The following ERCC6L2 variants were observed in gnomAD, a reference collection of about 807,000 sequenced individuals.
The protein encoded by ERCC6L2 is ERCC excision repair 6 like 2.
ERCC6L2 carries 77 observed loss-of-function variants against 132.0 expected under a neutral mutation model. That is an observed-to-expected ratio of 0.58 (90% confidence interval 0.49 to 0.71). The LOEUF (loss-of-function observed/expected upper bound fraction) is 0.71. Among genes scored for constraint, ERCC6L2 ranks in the 30% least tolerant of loss-of-function variants. The pLI, the probability that ERCC6L2 is intolerant of heterozygous loss-of-function variation, is 0.00. For missense variants in ERCC6L2, 1,542 were observed against 1,837.6 expected (o/e 0.84, Z 2.94); for synonymous variants, 583 against 632.4 (o/e 0.92, Z 1.17).
At chr9:95,918,535 T>C (rs1019865235) in intron 6 of ERCC6L2, 4 of 469,924 alleles carry the variant, frequency 8.5e-6, no homozygotes, top group Non-Finnish European at 1.7e-5. Flanking sequence ...GACAAAATGA[T>C]GAATGGAAGT....
At chr9:95,912,921 G>A (rs1327740749) in intron 4 of ERCC6L2, among the ~76,000 whole-genome samples, 2 of 152,064 alleles carry the variant, frequency 1.3e-5, no homozygotes, top group Non-Finnish European at 2.9e-5. Flanking sequence ...AACATTTTTG[G>A]CAAGAATGCT....
chr9:95,923,271 C>A lies in ERCC6L2; in HGVS notation c.1425C>A (p.Ile475=). The part of the protein sequence containing the change: ...ASTSKQQETL[I]KRICDQVFSR... The stretch of plus-strand genomic sequence containing the variant: ...CTTTTCCCTTCAAGGAAACACTTAT[C>A]AAAAGGATATGTGATCAGGTATTTT... The change falls in exon 9 of 19, where the codon ATC becomes ATA. Residue 475 remains isoleucine (I), a synonymous_variant. Transcript: ENST00000653738. 1 of 1,612,958 alleles carries A rather than the reference C, an allele frequency of 6.2e-7. No homozygotes were observed. The highest frequency in any genetic ancestry group is 8.5e-7 in the Non-Finnish European group (1 of 1,179,464).
chr9:96,030,627 G>A (rs58654424), intron 19 of ERCC6L2, among the ~76,000 whole-genome samples: 4,916 of 151,628 alleles, frequency 0.032, 110 homozygotes, highest in East Asian at 0.15. Context: ...GTGTGAGCCC[G>A]GGAGGCGGAG....
chr9:95,942,745 T>A (rs1258725740), intron 12 of ERCC6L2, among the ~76,000 whole-genome samples: 1 of 152,116 alleles, frequency 6.6e-6, no homozygotes, highest in African/African-American at 2.4e-5. Flanking sequence ...AGATAATTGA[T>A]GACATGATTG....
intron 10 of ERCC6L2, chr9:95,928,375 GTTC>G: frequency 2.3e-6 from 1 of 430,350 alleles, no homozygotes; most frequent in Non-Finnish European, 4.1e-6. Flanking sequence ...TTCTGTTGAT[GTTC>G]TTAATAATTA....
intron 19 of ERCC6L2, among the ~76,000 whole-genome samples, chr9:96,029,318 AAAAAAC>A (rs1160581856): frequency 3.4e-5 from 5 of 148,390 alleles, no homozygotes; most frequent in East Asian, 2.0e-4. Flanking sequence ...AAAAAAAAAA[AAAAAAC>A]AAAAAAAAAA....
chr9:95,975,180 G>A (rs555229176), intron 16 of ERCC6L2, among the ~76,000 whole-genome samples: 1 of 152,072 alleles, frequency 6.6e-6, no homozygotes, highest in East Asian at 1.9e-4. Context: ...TCCCCTCTTA[G>A]ACTTCACTTA....
chr9:96,001,270 A>G (rs534491982), intron 17 of ERCC6L2, among the ~76,000 whole-genome samples: 2 of 152,280 alleles, frequency 1.3e-5, no homozygotes, highest in South Asian at 4.1e-4. Context: ...GCGGGTTGCC[A>G]ATGCTGGCTC....
At chr9:95,899,600 A>ATATATATATGTG (rs746946004) in intron 3 of ERCC6L2, among the ~76,000 whole-genome samples, 16 of 134,894 alleles carry the variant, frequency 1.2e-4, no homozygotes, top group African/African-American at 4.6e-4. Context: ...TTATATATAT[A>ATATATATATGTG]TGTGTGTGTG....
At chr9:95,949,024 T>C (rs935110416) in intron 12 of ERCC6L2, among the ~76,000 whole-genome samples, 6 of 150,634 alleles carry the variant, frequency 4.0e-5, no homozygotes, top group East Asian at 2.0e-4. Flanking sequence ...AACAAAGAGA[T>C]AGAAATTAAA....
intron 11 of ERCC6L2, among the ~76,000 whole-genome samples, chr9:95,935,199 A>G (rs1587934737): frequency 6.6e-6 from 1 of 152,310 alleles, no homozygotes. Flanking sequence ...AAAATCCCAT[A>G]GAAGGATGGT....
At chr9:95,900,698 C>T (rs781245579) in intron 3 of ERCC6L2, among the ~76,000 whole-genome samples, 1 of 151,420 alleles carries the variant, frequency 6.6e-6, no homozygotes, top group Non-Finnish European at 1.5e-5. Flanking sequence ...ATTGTGTAGT[C>T]TCTGTTGTTT....
chr9:95,972,103 T>C lies in ERCC6L2; in HGVS notation c.2352T>C (p.Ser784=). Residue 784 remains serine, a synonymous_variant, in exon 16 of 19, where the codon TCT becomes TCC. Transcript: ENST00000653738. ...CCGATTCAAGTAAAGCTTCCAGCTC[T>C]CCAGGACAGCTTACCTTACTCCAGT... ...KAPDSSKASS[S]PGQLTLLQCG... is the part of the protein sequence containing the mutation. 2.3e-6 allele frequency: 3 copies of C among 1,304,262 alleles called. No individual in the cohort carries two copies. Among genetic ancestry groups the C allele is most frequent in the Non-Finnish European group, 3.0e-6 (3 of 988,946 alleles). 80.8% of individuals were successfully genotyped at this position (1,304,262 alleles called of 1,614,324 possible).
intron 18 of ERCC6L2, among the ~76,000 whole-genome samples, chr9:96,008,933 G>A (rs1393468366): frequency 6.6e-6 from 1 of 152,218 alleles, no homozygotes; most frequent in Middle Eastern, 3.2e-3. Context: ...TTATAGATAA[G>A]CGAGAAAGCA....
chr9:95,917,127 G>A (rs1829637482), intron 6 of ERCC6L2, among the ~76,000 whole-genome samples: 1 of 152,146 alleles, frequency 6.6e-6, no homozygotes, highest in South Asian at 2.1e-4. Flanking sequence ...AATTCTAGCT[G>A]TAGGATCAAA....
chr9:95,876,073 C>T lies in ERCC6L2; in HGVS notation c.35C>T (p.Thr12Ile), dbSNP rs780716399. 3.8e-6 allele frequency: 6 copies of T among 1,581,300 alleles called. No homozygotes were observed. The highest frequency in any genetic ancestry group is 5.2e-6 in the Non-Finnish European group (6 of 1,164,352). The change falls in exon 1 of 19, where the codon ACC becomes ATC. Residue 12 changes from threonine (T) to isoleucine (I), a missense_variant. Around this residue, in one of 4 missense-constraint regions of ERCC6L2, gnomAD observed 153 missense variants for 132.3 expected, o/e 1.16. Coordinates refer to ENST00000653738, the MANE Select transcript of ERCC6L2 (RefSeq NM_020207.7). ...TCGGCGCCACAGCCCCGCGCGGAAA[C>T]CTCAGGCAAAGGTACCAGCTCCGCG... is the stretch of plus-strand genomic sequence containing the variant. ...DPSAPQPRAE[T>I]SGKDIWHPGE... is the part of the protein sequence containing the mutation.
chr9:95,889,739 C>A (rs1253010972), intron 2 of ERCC6L2, among the ~76,000 whole-genome samples: 1 of 151,852 alleles, frequency 6.6e-6, no homozygotes, highest in Non-Finnish European at 1.5e-5. Context: ...TAGTTAGAAC[C>A]CAAAATGTTA....
At chr9:96,038,077 G>A (rs1341875614) in intron 19 of ERCC6L2, among the ~76,000 whole-genome samples, 1 of 152,076 alleles carries the variant, frequency 6.6e-6, no homozygotes, top group Non-Finnish European at 1.5e-5. Flanking sequence ...CTTTCTAGAA[G>A]TTCTGCTGCA....
At chr9:96,034,544 G>A (rs892356218) in intron 19 of ERCC6L2, among the ~76,000 whole-genome samples, 7 of 152,170 alleles carry the variant, frequency 4.6e-5, no homozygotes, top group South Asian at 2.1e-4. Flanking sequence ...TGGGAGAGGC[G>A]GTCTTTGACA....
Sources: allele counts gnomAD v4.1 joint callset (sites outside exome capture counted in the v4.1 genomes callset), GRCh38; gene constraint gnomAD v4.1.1; regional missense constraint gnomAD v4.1.1; transcripts MANE v1.5; gene names NCBI Gene and HGNC (gene_info 2026-07-23, HGNC 2026-07-21).